The following VPS13A variants were observed in gnomAD, a reference collection of about 807,000 sequenced individuals.
VPS13A encodes intermembrane lipid transfer protein VPS13A.
A neutral mutation model predicts 390.9 loss-of-function variants in VPS13A; 264 were observed. That is an observed-to-expected ratio of 0.68 (90% CI 0.61 to 0.75). The LOEUF (loss-of-function observed/expected upper bound fraction) is 0.75. VPS13A is among the 30% of genes least tolerant of loss of function. The pLI, the probability that VPS13A is intolerant of heterozygous loss-of-function variation, is 0.00. For missense variants in VPS13A, 3,409 were observed against 3,733.9 expected, an observed-to-expected ratio of 0.91 and a Z score of 2.27; for synonymous variants, 1,231 against 1,227.1, an observed-to-expected ratio of 1.00 and a Z score of -0.07.
At chr9:77,328,348 A>T (rs1334607765) in intron 45 of VPS13A, among the ~76,000 whole-genome samples, 1 of 152,224 alleles carries the variant, frequency 6.6e-6, no homozygotes, top group Non-Finnish European at 1.5e-5. Flanking sequence ...TAGAGCACAG[A>T]GTAGAGTTAG....
At chr9:77,410,525 C>T (rs911453070) in intron 71 of VPS13A, among the ~76,000 whole-genome samples, 29 of 152,206 alleles carry the variant, frequency 1.9e-4, no homozygotes, top group Non-Finnish European at 3.4e-4. Context: ...CAAGACCCAT[C>T]AGTGTGCTGT....
At chr9:77,332,233 G>C (rs369204487) in intron 46 of VPS13A, 120 bp downstream of exon 46, 2 of 758,930 alleles carry the variant, frequency 2.6e-6, no homozygotes, top group African/African-American at 1.7e-5. Context: ...ACGTATTTAG[G>C]TTTCAGTGCA....
rs146607868 is a variant in VPS13A at position 77,370,301 on chromosome 9, A to G, written c.8712A>G (p.Leu2904=). The change falls in exon 64 of 72, where the codon CTA becomes CTG. Residue 2904 remains leucine, a synonymous_variant. Transcript: ENST00000360280. ...AAGAGTTTGTGGAAGGAATGGCACT[A>G]GGACTTAAGGCACTAGTTGGTGGAG... The part of the protein sequence containing the change: ...GPEEFVEGMA[L]GLKALVGGAV... The G allele has an allele frequency of 1.2e-4, 187 of 1,614,194 alleles. 1 individual carries two copies. In the African/African-American group the frequency reaches 2.2e-3, roughly 19 times the overall value.
intron 46 of VPS13A, among the ~76,000 whole-genome samples, chr9:77,334,488 C>T (rs1422442458): frequency 1.3e-5 from 2 of 152,172 alleles, no homozygotes; most frequent in South Asian, 2.1e-4. Context: ...CAGATTTTCT[C>T]TTCAGAACAC....
intron 33 of VPS13A, among the ~76,000 whole-genome samples, chr9:77,296,693 AG>A (rs1417502403): frequency 1.3e-5 from 2 of 152,284 alleles, no homozygotes; most frequent in East Asian, 3.9e-4. Context: ...CCATTTTATA[AG>A]TTTTGATATG....
In VPS13A at chr9:77,177,633, G is replaced by C; in HGVS notation, c.-72G>C. The C allele has an allele frequency of 1.4e-6, 2 of 1,412,346 alleles. No homozygotes were observed. Among genetic ancestry groups the C allele is most frequent in the Non-Finnish European group, 2.0e-6 (2 of 1,008,692 alleles). The allele number at this position is 1,412,346 out of a possible 1,614,324, so 87.5% of individuals were successfully genotyped here. A position where few individuals can be genotyped will look rare whatever the true frequency, so the allele number is the denominator to read the frequency against. ...AGCCGGTGAACCGAATTACCTCGAG[G>C]GAGGGGCGTGGGGAAGGCGGCGGGA... On this transcript the variant is annotated 5_prime_UTR_variant, in exon 1 of 72. Coordinates refer to ENST00000360280, the MANE Select transcript of VPS13A (RefSeq NM_033305.3).
intron 68 of VPS13A, among the ~76,000 whole-genome samples, chr9:77,392,630 T>A (rs1360040088): frequency 6.6e-6 from 1 of 152,016 alleles, no homozygotes; most frequent in Non-Finnish European, 1.5e-5. Context: ...ACAAAGCAAG[T>A]CACACGCATA....
At chr9:77,393,306 T>G (rs1350093438) in intron 68 of VPS13A, among the ~76,000 whole-genome samples, 1 of 152,228 alleles carries the variant, frequency 6.6e-6, no homozygotes, top group African/African-American at 2.4e-5. Context: ...TATCTGCAAT[T>G]ACTTCCTCCG....
chr9:77,321,458 T>C, intron 43 of VPS13A, 33 bp from the exon 44 acceptor site: 1 of 1,611,736 alleles, frequency 6.2e-7, no homozygotes, highest in Non-Finnish European at 8.5e-7. Flanking sequence ...TTTTACACAT[T>C]TCATTTTATT....
rs573219978 is a variant in VPS13A, at chr9:77,312,961, A to C, written c.4115-1031A>C. Among the ~76,000 whole-genome samples, 3 of 152,316 alleles carry C rather than the reference A, an allele frequency of 2.0e-5. No homozygotes were observed. The South Asian group carries it at 6.2e-4, about 32-fold the overall frequency. ...CCCACCCCAAAATAAGTGCATATAT[A>C]CACAAAATGACTCATTTAGGAATAC... On this transcript the variant is annotated intron_variant, in intron 35 of 71. Transcript: ENST00000360280.
chr9:77,226,074 A>G, intron 14 of VPS13A, 86 bp downstream of exon 14: 1 of 1,268,600 alleles, frequency 7.9e-7, no homozygotes, highest in Non-Finnish European at 1.1e-6. Context: ...TTATACTGTA[A>G]CATATTGTTT....
At chr9:77,273,167 CA>C (rs1347325482) in intron 23 of VPS13A, 112 bp from the exon 24 acceptor site, 6 of 794,456 alleles carry the variant, frequency 7.6e-6, no homozygotes, top group Non-Finnish European at 1.0e-5. Flanking sequence ...TCAGTTAATT[CA>C]AATTGGATAG....
intron 1 of VPS13A, among the ~76,000 whole-genome samples, chr9:77,180,671 C>T (rs535335837): frequency 2.0e-5 from 3 of 152,122 alleles, no homozygotes; most frequent in Admixed American, 2.0e-4. Flanking sequence ...TGTTTAGCAC[C>T]ACTTGCTAAG....
At chr9:77,344,090 A>T in intron 50 of VPS13A, 63 bp from the exon 51 acceptor site, 1 of 1,385,630 alleles carries the variant, frequency 7.2e-7, no homozygotes, top group Non-Finnish European at 1.0e-6. Context: ...GAATATTAAG[A>T]TGATTTATAT....
Position 77,275,542 on chromosome 9 carries a change from G to T in VPS13A, c.2557G>T (p.Glu853Ter). The T allele has an allele frequency of 6.2e-7, 1 of 1,613,776 alleles. No individual in the cohort carries two copies. Among genetic ancestry groups the T allele is most frequent in the South Asian group, 1.1e-5 (1 of 91,074 alleles). Residue 853 changes from glutamate (E) to a stop codon, truncating the protein, a stop_gained, in exon 25 of 72, where the codon GAA (glutamate) becomes TAA (stop). Coordinates refer to ENST00000360280, the MANE Select transcript of VPS13A (RefSeq NM_033305.3). LOFTEE classifies it high-confidence loss of function. ...FFDAPCSPLE[E>*]PLQFPTGVKS... ...TGATGCACCATGTAGTCCCTTGGAA[G>T]AACCTCTTCAGTTTCCAACTGGAGT...
intron 59 of VPS13A, 96 bp downstream of exon 59, chr9:77,360,737 AAAATACAATT>A: frequency 2.2e-6 from 2 of 925,214 alleles, no homozygotes; most frequent in South Asian, 3.0e-5. Context: ...TTGCATTTTA[AAAATACAATT>A]AAATAAATTT....
intron 17 of VPS13A, among the ~76,000 whole-genome samples, chr9:77,231,211 C>T (rs1823812993): frequency 6.6e-6 from 1 of 151,974 alleles, no homozygotes; most frequent in Admixed American, 6.6e-5. Context: ...GATGTGGATG[C>T]CCTTTCTTTT....
chr9:77,205,955 C>A (rs1212292550), intron 4 of VPS13A, 23 bp from the exon 5 acceptor site: 1 of 1,465,920 alleles, frequency 6.8e-7, no homozygotes, highest in South Asian at 1.3e-5. Flanking sequence ...AGTTATGATT[C>A]TTCCTTTTTA....
At chr9:77,188,177 C>T (rs1824461380) in intron 1 of VPS13A, among the ~76,000 whole-genome samples, 1 of 152,170 alleles carries the variant, frequency 6.6e-6, no homozygotes, top group Non-Finnish European at 1.5e-5. Context: ...TTGAAAGCTT[C>T]CTGCGTCCTC....
Sources: gnomAD v4.1 joint callset for allele counts (sites outside exome capture counted in the v4.1 genomes callset) on GRCh38, gnomAD v4.1.1 for gene constraint, MANE v1.5 for transcripts, NCBI Gene and HGNC (gene_info 2026-07-23, HGNC 2026-07-21) for gene names.